The following FHIT variants were observed in gnomAD, a reference collection of about 807,000 sequenced individuals.
FHIT encodes the protein bis(5'-adenosyl)-triphosphatase.
Under a neutral mutation model 17.9 loss-of-function variants are expected in FHIT, and 19 were observed. The ratio of observed to expected loss-of-function variants is 1.06; its 90% CI spans 0.74 to 1.56. The LOEUF is 1.56. Among genes scored for constraint, FHIT ranks in the 40% most tolerant of loss-of-function variants. FHIT has a pLI of 0.00. For missense variants in FHIT, 248 were observed against 189.2 expected (o/e 1.31, Z -1.82); for synonymous variants, 81 against 69.7 (o/e 1.16, Z -0.81).
intron 1 of FHIT, among the ~76,000 whole-genome samples, chr3:61,213,815 C>T (rs975617782): frequency 1.3e-5 from 2 of 152,122 alleles, no homozygotes; most frequent in Non-Finnish European, 2.9e-5. Flanking sequence ...TCTCTCAGAC[C>T]ACAGTGCAAT....
chr3:61,101,211 T>C (rs1286085569), intron 2 of FHIT, among the ~76,000 whole-genome samples: 2 of 152,230 alleles, frequency 1.3e-5, no homozygotes, highest in Non-Finnish European at 2.9e-5. Flanking sequence ...ATTTAAGTCT[T>C]TAATCCATCT....
At chr3:59,769,858 T>C (rs145302372) in intron 8 of FHIT, among the ~76,000 whole-genome samples, 272 of 152,300 alleles carry the variant, frequency 1.8e-3, no homozygotes, top group Middle Eastern at 6.8e-3. Context: ...TGAACTGTTA[T>C]AGTATGTTTC....
chr3:60,693,512 C>T (rs527992602), intron 4 of FHIT, among the ~76,000 whole-genome samples: 1 of 152,172 alleles, frequency 6.6e-6, no homozygotes, highest in South Asian at 2.1e-4. Flanking sequence ...CCTGTGTTTA[C>T]CCAAGATTTA....
intron 7 of FHIT, among the ~76,000 whole-genome samples, chr3:59,943,207 C>A (rs964069543): frequency 6.6e-6 from 1 of 152,114 alleles, no homozygotes; most frequent in African/African-American, 2.4e-5. Context: ...AATCAGGAAG[C>A]TGATCAGGAA....
At chr3:60,276,787 AG>A (rs1232411175) in intron 5 of FHIT, among the ~76,000 whole-genome samples, 1 of 152,178 alleles carries the variant, frequency 6.6e-6, no homozygotes, top group East Asian at 1.9e-4. Context: ...AAGGCGAGCC[AG>A]CATGTCACAG....
intron 2 of FHIT, among the ~76,000 whole-genome samples, chr3:61,079,460 CT>C (rs2035067203): frequency 6.6e-6 from 1 of 152,096 alleles, no homozygotes; most frequent in South Asian, 2.1e-4. Context: ...CAGCAAAGAA[CT>C]TTGTTTGATG....
chr3:60,292,387 C>T (rs1708027404), intron 5 of FHIT, among the ~76,000 whole-genome samples: 1 of 152,070 alleles, frequency 6.6e-6, no homozygotes. Context: ...GTTGGGAGTT[C>T]CCCTTCCCCT....
At chr3:60,896,212 C>T (rs1553761930) in intron 3 of FHIT, among the ~76,000 whole-genome samples, 2 of 152,086 alleles carry the variant, frequency 1.3e-5, no homozygotes, top group Non-Finnish European at 1.5e-5. Flanking sequence ...TCTATGAAAC[C>T]GGTCCCTGGT....
At chr3:61,138,273 T>G (rs879490992) in intron 2 of FHIT, among the ~76,000 whole-genome samples, 4 of 152,192 alleles carry the variant, frequency 2.6e-5, no homozygotes, top group Non-Finnish European at 5.9e-5. Context: ...ATCTTTGATC[T>G]ACTGAGCCAC....
chr3:61,114,675 C>T (rs1413335724), intron 2 of FHIT, among the ~76,000 whole-genome samples: 1 of 152,088 alleles, frequency 6.6e-6, no homozygotes, highest in Non-Finnish European at 1.5e-5. Flanking sequence ...GAAATATGAC[C>T]TTTGACCCTG....
chr3:59,775,140 C>T (rs1350758067), intron 8 of FHIT, among the ~76,000 whole-genome samples: 2 of 152,086 alleles, frequency 1.3e-5, no homozygotes, highest in Non-Finnish European at 2.9e-5. Context: ...TCCACAGAGC[C>T]TTGTGTTTGG....
chr3:61,150,708 A>G (rs1217696475), intron 2 of FHIT, among the ~76,000 whole-genome samples: 1 of 152,196 alleles, frequency 6.6e-6, no homozygotes, highest in Non-Finnish European at 1.5e-5. Context: ...AAACTGAAGG[A>G]ATAATGTATT....
chr3:60,124,942 T>A (rs995031899), intron 5 of FHIT, among the ~76,000 whole-genome samples: 6 of 152,144 alleles, frequency 3.9e-5, no homozygotes, highest in Non-Finnish European at 8.8e-5. Flanking sequence ...AAAACCCACA[T>A]ATTAGATCTG....
At chr3:61,052,739 C>T (rs539274733) in intron 2 of FHIT, among the ~76,000 whole-genome samples, 32 of 152,150 alleles carry the variant, frequency 2.1e-4, no homozygotes, top group Non-Finnish European at 2.6e-4. Flanking sequence ...AGTAGTGCTG[C>T]ACTACACTTT....
intron 2 of FHIT, among the ~76,000 whole-genome samples, chr3:61,097,713 C>T (rs1170996447): frequency 6.6e-6 from 1 of 151,844 alleles, no homozygotes; most frequent in Non-Finnish European, 1.5e-5. Context: ...TGATGTTGAG[C>T]TTTTTTTTCA....
chr3:60,193,685 G>T (rs1702502143), intron 5 of FHIT, among the ~76,000 whole-genome samples: 3 of 152,156 alleles, frequency 2.0e-5, no homozygotes, highest in Non-Finnish European at 4.4e-5. Context: ...CCAATCAAGT[G>T]CTGGCTGTGG....
intron 5 of FHIT, among the ~76,000 whole-genome samples, chr3:60,410,904 C>T (rs940995453): frequency 4.6e-5 from 7 of 152,056 alleles, no homozygotes; most frequent in Non-Finnish European, 8.8e-5. Context: ...AGTAATAAGA[C>T]AGAGAACTTA....
chr3:59,846,869 C>A (rs633189), intron 8 of FHIT, among the ~76,000 whole-genome samples: 1 of 151,832 alleles, frequency 6.6e-6, no homozygotes, highest in East Asian at 1.9e-4. Flanking sequence ...TATTGGCTGA[C>A]AGTTTTTTTT....
intron 3 of FHIT, among the ~76,000 whole-genome samples, chr3:60,843,650 T>G (rs947754913): frequency 1.0e-4 from 15 of 149,200 alleles, no homozygotes; most frequent in Non-Finnish European, 2.2e-4. Flanking sequence ...CCTATTGATA[T>G]CACAGGCTGC....
Sources: allele counts gnomAD v4.1 joint callset (sites outside exome capture counted in the v4.1 genomes callset), GRCh38; gene constraint gnomAD v4.1.1; transcripts MANE v1.5; gene names NCBI Gene and HGNC (gene_info 2026-07-23, HGNC 2026-07-21).